Variants in SNX21 observed in about 807,000 individuals in gnomAD.
The protein encoded by SNX21 is sorting nexin-21.
In SNX21, 36 loss-of-function variants were observed where a neutral mutation model predicts 30.9. The ratio of observed to expected loss-of-function variants is 1.16; its 90% CI spans 0.89 to 1.54. SNX21 has a LOEUF of 1.54. SNX21 is among the 40% of genes most tolerant of loss of function. The pLI, the probability that SNX21 is intolerant of heterozygous loss-of-function variation, is 0.00. For missense variants in SNX21, 508 were observed against 516.5 expected (o/e 0.98, Z 0.16); for synonymous variants, 218 against 222.7 (o/e 0.98, Z 0.19).
At chr20:45,834,036 C>T (rs1983247333) in intron 1 of SNX21, 96 bp downstream of exon 1, 8 of 1,415,950 alleles carry the variant, frequency 5.6e-6, no homozygotes, top group East Asian at 2.7e-5. Flanking sequence ...GGGGGGAAAG[C>T]GATGCTGGCT....
Position 45,840,894 on chromosome 20 carries a change from C to A in SNX21, c.703C>A (p.Leu235Met). The change falls in exon 4 of 4, where the codon CTG becomes ATG. Residue 235 changes from leucine to methionine, a missense_variant. Physicochemically the swap from Leu to Met is conservative, Grantham distance 15 (BLOSUM62 2). Coordinates refer to ENST00000491381, the MANE Select transcript of SNX21 (RefSeq NM_033421.4). ...GCCTGAGCTGCGCCATGCCCCGGACCTGCAGGACTTCTTCGTGCTGCCGGA... is the reference window on the plus strand; with the variant it reads ...GCCTGAGCTGCGCCATGCCCCGGACATGCAGGACTTCTTCGTGCTGCCGGA... ...AVPELRHAPD[L>M]QDFFVLPELR... The A allele has an allele frequency of 6.2e-7, 1 of 1,613,366 alleles. No homozygotes were observed. Among genetic ancestry groups the A allele is most frequent in the Non-Finnish European group, 8.5e-7 (1 of 1,179,938 alleles).
chr20:45,843,019 C>G lies in SNX21; in HGVS notation c.*1706C>G. ...GGCCCTTAGGGACCACTGAATGCCC[C>G]GATCCCAATCAGGTTAATCAGAATC... On this transcript the variant is annotated 3_prime_UTR_variant, in exon 4 of 4. Transcript: ENST00000491381. The G allele has an allele frequency of 6.4e-6, 7 of 1,100,166 alleles. No homozygotes were observed. Among genetic ancestry groups the G allele is most frequent in the South Asian group, 2.4e-5 (1 of 41,958 alleles). The allele number at this position is 1,100,166 out of a possible 1,614,324, so 68.2% of individuals were successfully genotyped here.
At position 45,842,467 on chromosome 20, in the gene SNX21, T is replaced by G. The variant is rs1490122660; in HGVS notation, c.*1154T>G. The G allele has an allele frequency of 9.6e-7, 1 of 1,038,148 alleles. No individual in the cohort carries two copies. Among genetic ancestry groups the G allele is most frequent in the Non-Finnish European group, 1.2e-6 (1 of 863,698 alleles). The allele number at this position is 1,038,148 out of a possible 1,614,324, so 64.3% of individuals were successfully genotyped here. A position where few individuals can be genotyped will look rare whatever the true frequency, so the allele number is the denominator to read the frequency against. On this transcript the variant is annotated 3_prime_UTR_variant, in exon 4 of 4. Transcript: ENST00000491381. ...AATAAATCAAGCCAGGTCCTCCAAGTGGTAATTCATGAAAAATATCCCCAC... is the reference window on the plus strand; with the variant it reads ...AATAAATCAAGCCAGGTCCTCCAAGGGGTAATTCATGAAAAATATCCCCAC...
At chr20:45,836,131 A>C (rs1248130407) in intron 3 of SNX21, among the ~76,000 whole-genome samples, 4 of 152,178 alleles carry the variant, frequency 2.6e-5, no homozygotes, top group Non-Finnish European at 5.9e-5. Flanking sequence ...TGCTGTTAGT[A>C]AGCAAGGGCC....
chr20:45,841,698 C>T lies in SNX21; in HGVS notation c.*385C>T. The T allele has an allele frequency of 7.0e-7, 1 of 1,432,602 alleles. No homozygotes were observed. The highest frequency in any genetic ancestry group is 9.1e-7 in the Non-Finnish European group (1 of 1,099,378). The allele number at this position is 1,432,602 out of a possible 1,614,324, so 88.7% of individuals were successfully genotyped here. On this transcript the variant is annotated 3_prime_UTR_variant, in exon 4 of 4. Coordinates refer to ENST00000491381, the MANE Select transcript of SNX21 (RefSeq NM_033421.4). Reference sequence around the variant, plus strand: ...TGAAGGCAAGGCTGCAGGTCTGGCCCAGGGGAATTAAAAGCCAGCCACTCC... The same window carrying T: ...TGAAGGCAAGGCTGCAGGTCTGGCCTAGGGGAATTAAAAGCCAGCCACTCC...
At position 45,842,594 on chromosome 20, in the gene SNX21, T is replaced by C. The variant is rs1984308114; in HGVS notation, c.*1281T>C. The C allele has an allele frequency of 2.0e-6, 2 of 993,774 alleles. No homozygotes were observed. Among genetic ancestry groups the C allele is most frequent in the Admixed American group, 1.1e-4 (2 of 17,930 alleles). The allele number at this position is 993,774 out of a possible 1,614,324, so 61.6% of individuals were successfully genotyped here. A position where few individuals can be genotyped will look rare whatever the true frequency, so the allele number is the denominator to read the frequency against. On this transcript the variant is annotated 3_prime_UTR_variant, in exon 4 of 4. Coordinates refer to ENST00000491381, the MANE Select transcript of SNX21 (RefSeq NM_033421.4). ...TGGAGACTCTTTCTCCCTTGCTGGC[T>C]TTGGGCCCAAGTTTGATGTTTATGA...
chr20:45,841,408 A>T lies in SNX21; in HGVS notation c.*95A>T. 1.3e-6 allele frequency: 2 copies of T among 1,488,922 alleles called. No individual in the cohort carries two copies. The highest frequency in any genetic ancestry group is 2.9e-5 in the South Asian group (2 of 69,184). 92.2% of individuals were successfully genotyped at this position (1,488,922 alleles called of 1,614,324 possible). Reference sequence around the variant, plus strand: ...GAACAGAATAGCTGGGAGGCTGCAGAGGGTGCTGGGAGCCCCTAGAAGTTC... The same window carrying T: ...GAACAGAATAGCTGGGAGGCTGCAGTGGGTGCTGGGAGCCCCTAGAAGTTC... On this transcript the variant is annotated 3_prime_UTR_variant, in exon 4 of 4. Coordinates refer to ENST00000491381, the MANE Select transcript of SNX21 (RefSeq NM_033421.4).
intron 2 of SNX21, chr20:45,834,729 G>A: frequency 1.5e-6 from 1 of 660,084 alleles, no homozygotes; most frequent in Non-Finnish European, 2.5e-6. Flanking sequence ...CTTGGGATCC[G>A]AATGGAAATG....
At chr20:45,839,312 G>A (rs1005023537) in intron 3 of SNX21, among the ~76,000 whole-genome samples, 7 of 151,992 alleles carry the variant, frequency 4.6e-5, no homozygotes, top group Non-Finnish European at 7.4e-5. Context: ...TCAGGAGATC[G>A]AGACCATCCT....
Position 45,834,250 on chromosome 20 carries a change from G to C in SNX21, c.71G>C (p.Gly24Ala), listed in dbSNP as rs760868083. Residue 24 changes from glycine (G) to alanine (A), a missense_variant, in exon 2 of 4, where the codon GGC becomes GCC. Physicochemically the swap from Gly to Ala is moderately conservative, Grantham distance 60. Transcript: ENST00000491381. ...CACCGGCTGCGGCACGCCTTGGCCG[G>C]CGACGGCCCCGGGGAGGCGGCGGCC... Reference protein sequence around the residue: ...LLHRLRHALAGDGPGEAAASP... With the variant: ...LLHRLRHALAADGPGEAAASP... 1 of 1,574,528 alleles carries C rather than the reference G, an allele frequency of 6.4e-7. No individual in the cohort carries two copies. Among genetic ancestry groups the C allele is most frequent in the East Asian group, 2.3e-5 (1 of 43,980 alleles).
In SNX21 at chr20:45,841,362, G is replaced by A. The variant is rs1316298526; in HGVS notation, c.*49G>A. ...TGTGAGGAGAGGGGTTGCCCCAGAAGGCAGGGGAAGGACCTGATGAGAACA... is the reference window on the plus strand; with the variant it reads ...TGTGAGGAGAGGGGTTGCCCCAGAAAGCAGGGGAAGGACCTGATGAGAACA... On this transcript the variant is annotated 3_prime_UTR_variant, in exon 4 of 4. Coordinates refer to ENST00000491381, the MANE Select transcript of SNX21 (RefSeq NM_033421.4). 2.0e-6 allele frequency: 3 copies of A among 1,514,264 alleles called. No individual in the cohort carries two copies. The East Asian group carries it at 6.9e-5, about 35-fold the overall frequency. The allele number at this position is 1,514,264 out of a possible 1,614,324, so 93.8% of individuals were successfully genotyped here. A position where few individuals can be genotyped will look rare whatever the true frequency, so the allele number is the denominator to read the frequency against.
intron 3 of SNX21, among the ~76,000 whole-genome samples, chr20:45,838,924 C>G (rs1983771015): frequency 7.0e-6 from 1 of 142,564 alleles, no homozygotes; most frequent in Non-Finnish European, 1.5e-5. Context: ...GAGAGAGTTT[C>G]ACTCTTGGTG....
chr20:45,842,009 C>CTTTT lies in SNX21; in HGVS notation c.*706_*709dup. ...GCCTGCTTCAGAACAGCCAAATACA[C>CTTTT]TTTTTTTTTTTTTCCTGAAACAGAG... On this transcript the variant is annotated 3_prime_UTR_variant, in exon 4 of 4. Coordinates refer to ENST00000491381, the MANE Select transcript of SNX21 (RefSeq NM_033421.4). 2 of 1,477,892 alleles carry CTTTT rather than the reference C, an allele frequency of 1.4e-6. No homozygotes were observed. The highest frequency in any genetic ancestry group is 2.0e-5 in the Admixed American group (1 of 51,080). The allele number at this position is 1,477,892 out of a possible 1,614,324, so 91.5% of individuals were successfully genotyped here. A position where few individuals can be genotyped will look rare whatever the true frequency, so the allele number is the denominator to read the frequency against.
Position 45,834,648 on chromosome 20 carries a change from A to G in SNX21, c.289+180A>G, listed in dbSNP as rs1327339694. ...AGAGTCTTAACCCCCCTCTGAGCCA[A>G]GTTTTCCCTTGTGTCAAGTGGGAGA... On this transcript the variant is annotated intron_variant, in intron 2 of 3. Coordinates refer to ENST00000491381, the MANE Select transcript of SNX21 (RefSeq NM_033421.4). The G allele has an allele frequency of 1.1e-5, 9 of 836,926 alleles. No homozygotes were observed. The East Asian group carries it at 1.9e-4, about 18-fold the overall frequency. The allele number at this position is 836,926 out of a possible 1,614,324, so 51.8% of individuals were successfully genotyped here. A position where few individuals can be genotyped will look rare whatever the true frequency, so the allele number is the denominator to read the frequency against.
At chr20:45,839,359 A>G (rs2145744747) in intron 3 of SNX21, among the ~76,000 whole-genome samples, 1 of 152,160 alleles carries the variant, frequency 6.6e-6, no homozygotes, top group South Asian at 2.1e-4. Context: ...ACTAAAAAAT[A>G]CAAAAAATTA....
At position 45,842,989 on chromosome 20, in the gene SNX21, A is replaced by C; in HGVS notation, c.*1676A>C. ...TTTCTCTCCCCTGCAAGGAAGGTCCAAGCAGGCCCTTAGGGACCACTGAAT... is the reference window on the plus strand; with the variant it reads ...TTTCTCTCCCCTGCAAGGAAGGTCCCAGCAGGCCCTTAGGGACCACTGAAT... On this transcript the variant is annotated 3_prime_UTR_variant, in exon 4 of 4. Coordinates refer to ENST00000491381, the MANE Select transcript of SNX21 (RefSeq NM_033421.4). 9.6e-7 allele frequency: 1 copy of C among 1,044,868 alleles called. No individual in the cohort carries two copies. The highest frequency in any genetic ancestry group is 8.2e-5 in the East Asian group (1 of 12,172). The allele number at this position is 1,044,868 out of a possible 1,614,324, so 64.7% of individuals were successfully genotyped here.
rs12106124 is a variant in SNX21 at position 45,841,559 on chromosome 20, G to T, written c.*246G>T. 2 of 1,386,266 alleles carry T rather than the reference G, an allele frequency of 1.4e-6. No individual in the cohort carries two copies. Among genetic ancestry groups the T allele is most frequent in the African/African-American group, 1.5e-5 (1 of 68,654 alleles). 85.9% of individuals were successfully genotyped at this position (1,386,266 alleles called of 1,614,324 possible). Reference sequence around the variant, plus strand: ...CAGCCTCTCCAGCCTATAAACAGCCGGGGGGCTGTGGCACAGGTTGGGGCA... The same window carrying T: ...CAGCCTCTCCAGCCTATAAACAGCCTGGGGGCTGTGGCACAGGTTGGGGCA... On this transcript the variant is annotated 3_prime_UTR_variant, in exon 4 of 4. Transcript: ENST00000491381.
intron 3 of SNX21, among the ~76,000 whole-genome samples, chr20:45,835,793 C>T (rs1234067750): frequency 1.3e-5 from 2 of 152,154 alleles, no homozygotes; most frequent in African/African-American, 4.8e-5. Context: ...CTCAAGCACC[C>T]GACCTTGTCC....
intron 3 of SNX21, 143 bp downstream of exon 3, chr20:45,835,259 G>T: frequency 1.0e-6 from 1 of 1,003,352 alleles, no homozygotes. Context: ...GTCAGAAAGG[G>T]GATGTAACTT....
Sources: allele counts gnomAD v4.1 joint callset (sites outside exome capture counted in the v4.1 genomes callset), GRCh38; gene constraint gnomAD v4.1.1; transcripts MANE v1.5; gene names NCBI Gene and HGNC (gene_info 2026-07-23, HGNC 2026-07-21).